The following CLSTN2 variants were observed in gnomAD, a reference collection of about 807,000 sequenced individuals.
CLSTN2 encodes the protein calsyntenin-2.
A neutral mutation model predicts 101.2 loss-of-function variants in CLSTN2; 48 were observed. The ratio of observed to expected loss-of-function variants is 0.47; its 90% CI spans 0.38 to 0.60. The LOEUF (loss-of-function observed/expected upper bound fraction) is 0.60. CLSTN2 is among the 20% of genes least tolerant of loss of function. The pLI is 0.00. For missense variants in CLSTN2, 1,160 were observed against 1,238.2 expected, an observed-to-expected ratio of 0.94 and a Z score of 0.95; for synonymous variants, 481 against 463.6, an observed-to-expected ratio of 1.04 and a Z score of -0.48.
At chr3:140,484,579 TC>T (rs1934198241) in intron 8 of CLSTN2, among the ~76,000 whole-genome samples, 1 of 152,204 alleles carries the variant, frequency 6.6e-6, no homozygotes, top group South Asian at 2.1e-4. Flanking sequence ...AGTTCCATTC[TC>T]CCCATCACTT....
chr3:140,217,863 T>C (rs1432984194), intron 2 of CLSTN2, among the ~76,000 whole-genome samples: 2 of 152,198 alleles, frequency 1.3e-5, no homozygotes, highest in Admixed American at 1.3e-4. Context: ...TTTTAAAGGT[T>C]CTCTACAGCA....
At chr3:140,175,234 A>C (rs2010305421) in intron 1 of CLSTN2, among the ~76,000 whole-genome samples, 1 of 152,108 alleles carries the variant, frequency 6.6e-6, no homozygotes, top group Non-Finnish European at 1.5e-5. Context: ...ACACAATTCA[A>C]CCCATAAAAT....
intron 8 of CLSTN2, among the ~76,000 whole-genome samples, chr3:140,520,984 G>T (rs1340428315): frequency 6.6e-6 from 1 of 150,492 alleles, no homozygotes; most frequent in South Asian, 2.1e-4. Flanking sequence ...GTCTCATGTT[G>T]TGTTCCTCTC....
intron 2 of CLSTN2, among the ~76,000 whole-genome samples, chr3:140,344,776 C>T (rs994844120): frequency 6.6e-6 from 1 of 152,210 alleles, no homozygotes; most frequent in African/African-American, 2.4e-5. Flanking sequence ...TTATCTCCCC[C>T]ACCACTCCAT....
intron 2 of CLSTN2, among the ~76,000 whole-genome samples, chr3:140,183,486 G>A (rs1188097995): frequency 6.6e-6 from 1 of 152,114 alleles, no homozygotes; most frequent in Non-Finnish European, 1.5e-5. Flanking sequence ...AAGTTTTCTG[G>A]GACTCTGAGT....
At chr3:140,235,905 A>G (rs2086413411) in intron 2 of CLSTN2, among the ~76,000 whole-genome samples, 1 of 152,196 alleles carries the variant, frequency 6.6e-6, no homozygotes. Context: ...AGGAGATAGT[A>G]GTGAAGAACA....
intron 1 of CLSTN2, among the ~76,000 whole-genome samples, chr3:140,164,812 T>C (rs2010108004): frequency 6.6e-6 from 1 of 152,168 alleles, no homozygotes; most frequent in African/African-American, 2.4e-5. Context: ...GTAAGTTCTT[T>C]GGGATTGTCC....
intron 1 of CLSTN2, among the ~76,000 whole-genome samples, chr3:140,169,326 T>C (rs1036927270): frequency 1.3e-5 from 2 of 152,156 alleles, no homozygotes; most frequent in Admixed American, 6.6e-5. Context: ...TTTTTTAATA[T>C]TGACTTTCTA....
At chr3:140,476,054 C>A (rs547465071) in intron 8 of CLSTN2, among the ~76,000 whole-genome samples, 2 of 152,322 alleles carry the variant, frequency 1.3e-5, no homozygotes, top group Non-Finnish European at 2.9e-5. Context: ...ATGCTTCTAC[C>A]TTTCTCGTTT....
intron 2 of CLSTN2, among the ~76,000 whole-genome samples, chr3:140,187,091 A>G (rs569963359): frequency 1.8e-4 from 28 of 152,230 alleles, no homozygotes; most frequent in African/African-American, 6.3e-4. Context: ...CTTTCCCTTG[A>G]AGTCCCTAAA....
chr3:140,406,436 C>T (rs1363512838), intron 4 of CLSTN2, among the ~76,000 whole-genome samples: 1 of 152,110 alleles, frequency 6.6e-6, no homozygotes, highest in Non-Finnish European at 1.5e-5. Flanking sequence ...ACCTGGATAC[C>T]ATGAGATAAT....
At chr3:139,962,263 C>T (rs973203486) in intron 1 of CLSTN2, among the ~76,000 whole-genome samples, 1 of 152,120 alleles carries the variant, frequency 6.6e-6, no homozygotes, top group South Asian at 2.1e-4. Context: ...TCTTTACTGT[C>T]ATTTTTAACA....
intron 1 of CLSTN2, among the ~76,000 whole-genome samples, chr3:140,128,279 A>G (rs1560103428): frequency 1.3e-5 from 2 of 152,222 alleles, no homozygotes; most frequent in African/African-American, 2.4e-5. Context: ...GAGGGAGGAG[A>G]TATCCAGTCA....
chr3:139,959,222 G>T (rs754179611), intron 1 of CLSTN2, among the ~76,000 whole-genome samples: 8 of 152,150 alleles, frequency 5.3e-5, no homozygotes, highest in Non-Finnish European at 1.0e-4. Flanking sequence ...CACTTCCTGG[G>T]CTGTGGAGAC....
In CLSTN2 at chr3:140,390,379, C is replaced by T. The variant is rs75965835; in HGVS notation, c.233-13250C>T. On this transcript the variant is annotated intron_variant, in intron 2 of 16. Transcript: ENST00000458420. ...TCCTCTGATCCATGATTCTTTTAAACGTGTACTGTTTAATTTACAAATATC... is the reference window on the plus strand; with the variant it reads ...TCCTCTGATCCATGATTCTTTTAAATGTGTACTGTTTAATTTACAAATATC... 1.1e-3 allele frequency among the ~76,000 whole-genome samples: 173 copies of T among 152,164 alleles called. 4 individuals carry two copies. In the East Asian group the frequency reaches 0.03, roughly 26 times the overall value.
At chr3:140,546,745 G>C in intron 10 of CLSTN2, 64 bp downstream of exon 10, 4 of 1,381,160 alleles carry the variant, frequency 2.9e-6, no homozygotes, top group Non-Finnish European at 3.9e-6. Context: ...CCTGCACAGC[G>C]CCAGCACACG....
chr3:140,371,643 C>T (rs370240888), intron 2 of CLSTN2, among the ~76,000 whole-genome samples: 158 of 152,260 alleles, frequency 1.0e-3, no homozygotes, highest in African/African-American at 3.6e-3. Context: ...AAGACAGAGA[C>T]GGAAATTAGA....
Position 140,427,203 on chromosome 3 carries a change from A to ATGTGTATATATATATATATATG in CLSTN2, c.787+5950_787+5971dup, listed in dbSNP as rs1553742768. On this transcript the variant is annotated intron_variant, in intron 5 of 16. Transcript: ENST00000458420. The stretch of plus-strand genomic sequence containing the variant: ...AAAAAAAATATATATATATATATAT[A>ATGTGTATATATATATATATATG]TGTGTATATATATATATATATGTGT... Among the ~76,000 whole-genome samples the ATGTGTATATATATATATATATG allele has an allele frequency of 7.0e-4, 80 of 114,274 alleles. 1 individual carries two copies. Among genetic ancestry groups the ATGTGTATATATATATATATATG allele is most frequent in the South Asian group, 1.4e-3 (6 of 4,224 alleles). The allele number at this position is 114,274 out of a possible 152,430, so 75.0% of individuals were successfully genotyped here. A position where few individuals can be genotyped will look rare whatever the true frequency, so the allele number is the denominator to read the frequency against.
chr3:140,110,630 G>A (rs1451472089), intron 1 of CLSTN2, among the ~76,000 whole-genome samples: 1 of 152,126 alleles, frequency 6.6e-6, no homozygotes, highest in Admixed American at 6.6e-5. Context: ...GCAAATGCTG[G>A]GATCATTCCT....
Sources: gnomAD v4.1 joint callset for allele counts (sites outside exome capture counted in the v4.1 genomes callset) on GRCh38, gnomAD v4.1.1 for gene constraint, MANE v1.5 for transcripts, NCBI Gene and HGNC (gene_info 2026-07-23, HGNC 2026-07-21) for gene names.